RASGEF1C: variants seen among roughly 807,000 people sequenced by gnomAD.
The protein encoded by RASGEF1C is ras-GEF domain-containing family member 1C.
RASGEF1C carries 27 observed loss-of-function variants against 58.1 expected under a neutral mutation model. That is an observed-to-expected ratio of 0.46 (90% confidence interval 0.34 to 0.64). The LOEUF (loss-of-function observed/expected upper bound fraction) is 0.64, where lower values mean the gene tolerates loss of function less well. RASGEF1C is among the 30% of genes least tolerant of loss of function. The probability of loss-of-function intolerance (pLI) is 0.01; values close to 1 mark genes in which losing one functional copy is unlikely to be tolerated. For synonymous variants in RASGEF1C, 243 were observed against 246.3 expected, an observed-to-expected ratio of 0.99 and a Z score of 0.13; for missense variants, 502 against 605.1, an observed-to-expected ratio of 0.83 and a Z score of 1.79.
intron 12 of RASGEF1C, among the ~76,000 whole-genome samples, chr5:180,106,050 C>T (rs1400284239): frequency 6.6e-6 from 1 of 152,160 alleles, no homozygotes; most frequent in Non-Finnish European, 1.5e-5. Context: ...GATTTCATCA[C>T]ACTACTCAGA....
At chr5:180,166,190 G>T (rs2113305374) in intron 1 of RASGEF1C, among the ~76,000 whole-genome samples, 1 of 152,192 alleles carries the variant, frequency 6.6e-6, no homozygotes, top group Non-Finnish European at 1.5e-5. Context: ...CACCCCGTAG[G>T]CATTAAGTTT....
chr5:180,119,381 T>G lies in RASGEF1C; in HGVS notation c.872A>C (p.Asn291Thr), dbSNP rs748670202. The G allele has an allele frequency of 3.1e-6, 5 of 1,614,178 alleles. No homozygotes were observed. The highest frequency in any genetic ancestry group is 4.2e-6 in the Non-Finnish European group (5 of 1,179,988). ...CATGAGGGAGTTGAAGTTGCCGATG[T>G]TGAAGCACTCGCGGGCCACGTCGAT... is the stretch of plus-strand genomic sequence containing the variant. ...FFIDVARECF[N>T]IGNFNSLMAI... Residue 291 changes from asparagine to threonine, a missense_variant, in exon 8 of 14, where the codon AAC becomes ACC. Transcript: ENST00000361132.
At chr5:180,103,365 C>T (rs765482045) in intron 12 of RASGEF1C, among the ~76,000 whole-genome samples, 1 of 152,234 alleles carries the variant, frequency 6.6e-6, no homozygotes, top group Non-Finnish European at 1.5e-5. Flanking sequence ...GCGTGAGCCA[C>T]CGCACCCGGC....
intron 1 of RASGEF1C, among the ~76,000 whole-genome samples, chr5:180,189,437 A>G (rs1424081658): frequency 6.6e-6 from 1 of 152,242 alleles, no homozygotes; most frequent in African/African-American, 2.4e-5. Flanking sequence ...GAAAAAGTAG[A>G]ACAAAGTTGA....
chr5:180,187,070 C>T (rs1756057119), intron 1 of RASGEF1C, among the ~76,000 whole-genome samples: 1 of 152,232 alleles, frequency 6.6e-6, no homozygotes, highest in Non-Finnish European at 1.5e-5. Context: ...AGGACTCACA[C>T]TTCCTGATTT....
intron 1 of RASGEF1C, among the ~76,000 whole-genome samples, chr5:180,199,702 C>T (rs1756348564): frequency 1.3e-5 from 2 of 150,104 alleles, no homozygotes; most frequent in Non-Finnish European, 3.0e-5. Context: ...CTCCCTCCCT[C>T]CCTCCTTCCT....
intron 11 of RASGEF1C, among the ~76,000 whole-genome samples, chr5:180,112,818 G>A (rs1296639151): frequency 2.6e-5 from 4 of 152,282 alleles, no homozygotes; most frequent in Non-Finnish European, 4.4e-5. Context: ...TCAGGGACTC[G>A]GGTGCAGTGA....
Position 180,155,203 on chromosome 5 carries a change from G to C in RASGEF1C, c.-6-17145C>G, listed in dbSNP as rs1330079982. 6.6e-6 allele frequency among the ~76,000 whole-genome samples: 1 copy of C among 152,242 alleles called. No homozygotes were observed. Among genetic ancestry groups the C allele is most frequent in the African/African-American group, 2.4e-5 (1 of 41,466 alleles). The stretch of plus-strand genomic sequence containing the variant: ...CTGAGTATGGGTCTGGACTATGCTA[G>C]CTCATGTCTGGCTGCCCCGAGCAGT... On this transcript the variant is annotated intron_variant, in intron 1 of 13. Transcript: ENST00000361132. This position sits in a 1 kb window ranked among gnomAD's most constrained non-coding sequence, Gnocchi z 5.2.
intron 6 of RASGEF1C, among the ~76,000 whole-genome samples, chr5:180,122,941 T>C (rs1260297483): frequency 6.6e-6 from 1 of 152,128 alleles, no homozygotes; most frequent in African/African-American, 2.4e-5. Flanking sequence ...CAAATTCTTA[T>C]GGACTAGTGA....
At position 180,177,194 on chromosome 5, in the gene RASGEF1C, C is replaced by A. The variant is rs1018348174; in HGVS notation, c.-7+31834G>T. Among the ~76,000 whole-genome samples, 14 of 152,126 alleles carry A rather than the reference C, an allele frequency of 9.2e-5. No homozygotes were observed. Among genetic ancestry groups the A allele is most frequent in the African/African-American group, 3.4e-4 (14 of 41,416 alleles). On this transcript the variant is annotated intron_variant, in intron 1 of 13. Coordinates refer to ENST00000361132, the MANE Select transcript of RASGEF1C (RefSeq NM_175062.4). This position sits in a 1 kb window ranked among gnomAD's most constrained non-coding sequence, Gnocchi z 5.0. The stretch of plus-strand genomic sequence containing the variant: ...GGGCTGGCTGGGCTACTTCCAGAAA[C>A]GTCCAGCCGAGTAGAGGATGCATTC...
Position 180,197,510 on chromosome 5 carries a change from A to G in RASGEF1C, c.-7+11518T>C, listed in dbSNP as rs906869534. On this transcript the variant is annotated intron_variant, in intron 1 of 13. Transcript: ENST00000361132. This position sits in a 1 kb window ranked among gnomAD's most constrained non-coding sequence, Gnocchi z 4.7. ...GGAGGCTGTGAGCAGAGAGAGGCCC[A>G]CAAAGACAGAGAGTGAGAGCAGTCC... is the stretch of plus-strand genomic sequence containing the variant. Among the ~76,000 whole-genome samples, 1 of 152,184 alleles carries G rather than the reference A, an allele frequency of 6.6e-6. No individual in the cohort carries two copies. The highest frequency in any genetic ancestry group is 2.4e-5 in the African/African-American group (1 of 41,446).
intron 1 of RASGEF1C, among the ~76,000 whole-genome samples, chr5:180,146,069 A>G (rs993489603): frequency 6.6e-6 from 1 of 152,148 alleles, no homozygotes; most frequent in Non-Finnish European, 1.5e-5. Context: ...CAATTCGTCT[A>G]TTTTTGTCTT....
intron 1 of RASGEF1C, among the ~76,000 whole-genome samples, chr5:180,170,116 C>T (rs529061948): frequency 4.6e-5 from 7 of 152,248 alleles, no homozygotes; most frequent in Non-Finnish European, 7.3e-5. Flanking sequence ...TGTTCCTGCT[C>T]GCGGCTGCAC....
intron 12 of RASGEF1C, among the ~76,000 whole-genome samples, chr5:180,103,099 CA>C (rs561225635): frequency 2.4e-3 from 362 of 152,174 alleles, no homozygotes; most frequent in Middle Eastern, 0.01. Flanking sequence ...TTTTTTGAGA[CA>C]GAAGTCTCGC....
intron 4 of RASGEF1C, among the ~76,000 whole-genome samples, chr5:180,130,292 A>G (rs1481156902): frequency 6.6e-6 from 1 of 152,122 alleles, no homozygotes; most frequent in Non-Finnish European, 1.5e-5. Context: ...GGTAGGGGGC[A>G]GGGGGCCCAT....
intron 7 of RASGEF1C, among the ~76,000 whole-genome samples, chr5:180,120,553 C>T (rs984582099): frequency 2.6e-5 from 4 of 152,264 alleles, no homozygotes; most frequent in South Asian, 2.1e-4. Flanking sequence ...AGGAGGAGGA[C>T]GGGTGGGTGT....
At position 180,197,740 on chromosome 5, in the gene RASGEF1C, G is replaced by A. The variant is rs149193835; in HGVS notation, c.-7+11288C>T. 2.6e-5 allele frequency among the ~76,000 whole-genome samples: 4 copies of A among 152,300 alleles called. No individual in the cohort carries two copies. Among genetic ancestry groups the A allele is most frequent in the Admixed American group, 6.5e-5 (1 of 15,306 alleles). On this transcript the variant is annotated intron_variant, in intron 1 of 13. Transcript: ENST00000361132. The surrounding 1 kb of genome is among the most constrained non-coding windows in gnomAD (Gnocchi z 4.7). ...ATGGCACTGTGCAGGTGCTTAAACCGTCACAGAGAGCAGTGGTCATTTTAC... is the reference window on the plus strand; with the variant it reads ...ATGGCACTGTGCAGGTGCTTAAACCATCACAGAGAGCAGTGGTCATTTTAC...
At chr5:180,180,453 A>T (rs2113322445) in intron 1 of RASGEF1C, among the ~76,000 whole-genome samples, 1 of 152,356 alleles carries the variant, frequency 6.6e-6, no homozygotes, top group East Asian at 1.9e-4. Flanking sequence ...TTGCAGTCAG[A>T]CTGACATGTG....
Position 180,119,401 on chromosome 5 carries a change from G to A in RASGEF1C, c.852C>T (p.Asp284=), listed in dbSNP as rs75697860. ...CGATGTTGAAGCACTCGCGGGCCAC[G>A]TCGATGAAGAACTCAATCACCTGGG... ...QRAQVIEFFI[D]VARECFNIGN... is the part of the protein sequence containing the mutation. Residue 284 remains aspartate, a synonymous_variant, in exon 8 of 14, where the codon GAC becomes GAT. Transcript: ENST00000361132. The A allele has an allele frequency of 7.7e-5, 124 of 1,614,176 alleles. No homozygotes were observed. Among genetic ancestry groups the A allele is most frequent in the East Asian group, 3.1e-4 (14 of 44,874 alleles).
Sources: allele counts gnomAD v4.1 joint callset (sites outside exome capture counted in the v4.1 genomes callset), GRCh38; gene constraint gnomAD v4.1.1; non-coding constraint Gnocchi (gnomAD v3.1); transcripts MANE v1.5; gene names NCBI Gene and HGNC (gene_info 2026-07-23, HGNC 2026-07-21).